SLC5A4: variants seen among roughly 807,000 people sequenced by gnomAD.
SLC5A4 encodes the protein probable glucose sensor protein SLC5A4.
Under a neutral mutation model 70.3 loss-of-function variants are expected in SLC5A4, and 55 were observed. The ratio of observed to expected loss-of-function variants is 0.78; its 90% CI spans 0.63 to 0.98. The LOEUF is 0.98. SLC5A4 is among the 50% of genes least tolerant of loss of function. SLC5A4 has a pLI of 0.00. For missense variants in SLC5A4, 735 were observed against 839.2 expected, an observed-to-expected ratio of 0.88 and a Z score of 1.53; for synonymous variants, 268 against 305.7, an observed-to-expected ratio of 0.88 and a Z score of 1.29.
At chr22:32,344,639 G>T in the SLC5A4 span, among the ~76,000 whole-genome samples, 4 of 152,078 alleles carry the variant, frequency 2.6e-5, no homozygotes, top group Non-Finnish European at 2.9e-5. Context: ...TAATATTCAA[G>T]AAAAATTAAT....
the SLC5A4 span, among the ~76,000 whole-genome samples, chr22:32,312,787 T>A: frequency 1.3e-5 from 2 of 151,618 alleles, no homozygotes; most frequent in South Asian, 4.2e-4. Flanking sequence ...TCAGATCTCA[T>A]CTCCCCCATC....
chr22:32,231,132 C>G lies in SLC5A4; in HGVS notation c.1022-57G>C. On this transcript the variant is annotated intron_variant, in intron 9 of 14. Transcript: ENST00000266086. Reference sequence around the variant, plus strand: ...GGCCCAAATAGGCAAAACCAACAACCATTAAACAAAGAGAAAAGTTGAAAG... The same window carrying G: ...GGCCCAAATAGGCAAAACCAACAACGATTAAACAAAGAGAAAAGTTGAAAG... The G allele has an allele frequency of 4.4e-5, 44 of 999,168 alleles. No homozygotes were observed. The South Asian group carries it at 5.8e-4, about 13-fold the overall frequency. 61.9% of individuals were successfully genotyped at this position (999,168 alleles called of 1,614,324 possible).
upstream of SLC5A4, among the ~76,000 whole-genome samples, chr22:32,260,113 G>C (rs1026824504): frequency 2.0e-5 from 3 of 152,234 alleles, no homozygotes; most frequent in Non-Finnish European, 4.4e-5. Context: ...AAGGGGATGA[G>C]GGTGGGAGAG....
the SLC5A4 span, among the ~76,000 whole-genome samples, chr22:32,320,883 C>T: frequency 2.6e-5 from 4 of 151,486 alleles, no homozygotes; most frequent in African/African-American, 7.2e-5. Context: ...GCTCTGTGGA[C>T]GATCCGGCAA....
the SLC5A4 span, among the ~76,000 whole-genome samples, chr22:32,333,168 C>T: frequency 3.3e-5 from 5 of 151,048 alleles, no homozygotes; most frequent in Non-Finnish European, 7.4e-5. Context: ...CCGGGACTCC[C>T]AGCCCAGGAC....
the SLC5A4 span, among the ~76,000 whole-genome samples, chr22:32,290,604 A>C: frequency 1.4e-4 from 21 of 152,158 alleles, no homozygotes; most frequent in African/African-American, 5.1e-4. Flanking sequence ...AAAATACCTC[A>C]GACTCGGTAA....
chr22:32,342,417 CTGGTAGATATAACTATAGAGA>C, the SLC5A4 span, among the ~76,000 whole-genome samples: 1 of 151,936 alleles, frequency 6.6e-6, no homozygotes, highest in South Asian at 2.1e-4. Context: ...TGAATGAGAC[CTGGTAGATATAACTATAGAGA>C]GAAAAAAACC....
At chr22:32,316,189 G>A in the SLC5A4 span, among the ~76,000 whole-genome samples, 7 of 151,302 alleles carry the variant, frequency 4.6e-5, 1 homozygote, top group African/African-American at 1.7e-4. Context: ...ACAGTGAGAA[G>A]TACTTAATAC....
the SLC5A4 span, among the ~76,000 whole-genome samples, chr22:32,312,335 A>C: frequency 6.7e-6 from 1 of 149,526 alleles, no homozygotes; most frequent in Admixed American, 6.8e-5. Context: ...AACCAACCAA[A>C]CAAGAACACC....
Position 32,224,348 on chromosome 22 carries a change from G to A in SLC5A4, c.1584C>T (p.Tyr528=). The A allele has an allele frequency of 6.2e-7, 1 of 1,614,096 alleles. No homozygotes were observed. Among genetic ancestry groups the A allele is most frequent in the Non-Finnish European group, 8.5e-7 (1 of 1,179,970 alleles). The change falls in exon 13 of 15, where the codon TAC becomes TAT. Residue 528 remains tyrosine (Y), a synonymous_variant. Coordinates refer to ENST00000266086, the MANE Select transcript of SLC5A4 (RefSeq NM_014227.3). ...PKIICGVHYL[Y]FSIVLFFGSM... The stretch of plus-strand genomic sequence containing the variant: ...ACCCAAAAAAGAGAACGATGGAAAA[G>A]TACAGATAGTGCACTCCACAGATAA...
At chr22:32,312,598 G>A in the SLC5A4 span, among the ~76,000 whole-genome samples, 5 of 151,978 alleles carry the variant, frequency 3.3e-5, no homozygotes, top group Non-Finnish European at 7.4e-5. Context: ...TATCGCTTGT[G>A]GACAGGTGGC....
chr22:32,306,204 G>A, the SLC5A4 span, among the ~76,000 whole-genome samples: 3 of 152,266 alleles, frequency 2.0e-5, no homozygotes, highest in East Asian at 1.9e-4. Flanking sequence ...GGTGGCTCAC[G>A]CCTGTAATCC....
At chr22:32,225,540 A>G (rs1421026579) in intron 12 of SLC5A4, 115 bp downstream of exon 12, 1 of 678,430 alleles carries the variant, frequency 1.5e-6, no homozygotes, top group Non-Finnish European at 2.5e-6. Flanking sequence ...ACTAAAATTA[A>G]GATGGGCCAT....
At chr22:32,225,567 G>A (rs1925343111) in intron 12 of SLC5A4, 88 bp downstream of exon 12, 3 of 795,454 alleles carry the variant, frequency 3.8e-6, no homozygotes, top group Non-Finnish European at 4.1e-6. Context: ...CATAAATAGG[G>A]GAGAAAGAAT....
At chr22:32,244,716 A>T (rs540874166) in intron 5 of SLC5A4, among the ~76,000 whole-genome samples, 40 of 152,046 alleles carry the variant, frequency 2.6e-4, no homozygotes, top group African/African-American at 9.2e-4. Context: ...TTTGGTAGAG[A>T]TAAGGGTCTC....
At chr22:32,351,730 G>A in the SLC5A4 span, among the ~76,000 whole-genome samples, 1 of 51,572 alleles carries the variant, frequency 1.9e-5, no homozygotes, top group Non-Finnish European at 3.3e-5. Context: ...GGGGAGGGTG[G>A]GGGCGGTGGG....
intron 5 of SLC5A4, among the ~76,000 whole-genome samples, chr22:32,239,554 A>ATTTATATATATATATATATATT (rs1471569628): frequency 1.2e-4 from 2 of 16,858 alleles, no homozygotes; most frequent in African/African-American, 8.9e-4. Context: ...ATATATATAT[A>ATTTATATATATATATATATATT]TATATATATA....
At chr22:32,333,480 G>A in the SLC5A4 span, among the ~76,000 whole-genome samples, 13 of 152,124 alleles carry the variant, frequency 8.5e-5, no homozygotes, top group Non-Finnish European at 1.8e-4. Context: ...CCTGGCCTGG[G>A]GCCCAGACTT....
chr22:32,345,696 G>A, the SLC5A4 span, among the ~76,000 whole-genome samples: 1 of 152,046 alleles, frequency 6.6e-6, no homozygotes, highest in African/African-American at 2.4e-5. Flanking sequence ...AGAGTAAAGG[G>A]CACAAAAGTC....
Sources: allele counts gnomAD v4.1 joint callset (sites outside exome capture counted in the v4.1 genomes callset), GRCh38; gene constraint gnomAD v4.1.1; transcripts MANE v1.5; gene names NCBI Gene and HGNC (gene_info 2026-07-23, HGNC 2026-07-21).